DTNB: variants seen among roughly 807,000 people sequenced by gnomAD.
The protein encoded by DTNB is DTN-B.
Under a neutral mutation model 90.7 loss-of-function variants are expected in DTNB, and 63 were observed. That is an observed-to-expected ratio of 0.69 (90% CI 0.57 to 0.86). The LOEUF is 0.86. DTNB is among the 40% of genes least tolerant of loss of function. The pLI is 0.00. For missense variants in DTNB, 744 were observed against 807.1 expected (o/e 0.92, Z 0.95); for synonymous variants, 277 against 286.7 (o/e 0.97, Z 0.34).
intron 16 of DTNB, among the ~76,000 whole-genome samples, chr2:25,396,528 G>C (rs1008215273): frequency 4.0e-5 from 6 of 149,944 alleles, no homozygotes; most frequent in Non-Finnish European, 8.9e-5. Context: ...AAAAAAAAAA[G>C]AATGATACAC....
At chr2:25,479,221 T>C (rs149367511) in intron 10 of DTNB, among the ~76,000 whole-genome samples, 69 of 152,314 alleles carry the variant, frequency 4.5e-4, no homozygotes, top group African/African-American at 1.6e-3. Context: ...CAGCTAAAGC[T>C]TTAGAAGACA....
chr2:25,471,668 C>G (rs775774145), intron 10 of DTNB, among the ~76,000 whole-genome samples: 27 of 152,164 alleles, frequency 1.8e-4, no homozygotes, highest in Non-Finnish European at 4.0e-4. Context: ...TCCCAAAGTG[C>G]TGGGATTACA....
At chr2:25,620,324 G>C (rs2072173309) in intron 4 of DTNB, among the ~76,000 whole-genome samples, 1 of 152,156 alleles carries the variant, frequency 6.6e-6, no homozygotes, top group African/African-American at 2.4e-5. Context: ...GAAGGTTTCT[G>C]AAGTGGGAAG....
chr2:25,421,390 C>T (rs1380204601), intron 15 of DTNB, among the ~76,000 whole-genome samples: 1 of 152,154 alleles, frequency 6.6e-6, no homozygotes, highest in Admixed American at 6.5e-5. Flanking sequence ...GCCAAACTCA[C>T]AGGAGCCTAG....
intron 4 of DTNB, among the ~76,000 whole-genome samples, chr2:25,616,299 A>G (rs192233583): frequency 6.6e-6 from 1 of 152,040 alleles, no homozygotes; most frequent in East Asian, 1.9e-4. Flanking sequence ...CATGGGTACT[A>G]TGATATCTTT....
intron 16 of DTNB, chr2:25,419,249 A>G: frequency 3.6e-6 from 2 of 558,372 alleles, no homozygotes; most frequent in Non-Finnish European, 6.4e-6. Flanking sequence ...ATGCAATGGT[A>G]GCCTGGCTAA....
chr2:25,449,044 T>C (rs914931756), intron 12 of DTNB, among the ~76,000 whole-genome samples: 7 of 152,174 alleles, frequency 4.6e-5, no homozygotes, highest in Non-Finnish European at 1.5e-5. Flanking sequence ...GATTAACTTA[T>C]GGCAAAGGAT....
At chr2:25,388,430 T>A in intron 16 of DTNB, 69 bp from the exon 17 acceptor site, 1 of 1,510,850 alleles carries the variant, frequency 6.6e-7, no homozygotes, top group Non-Finnish European at 8.9e-7. Flanking sequence ...AAGAAAGTAC[T>A]TTTTCTCCAT....
intron 9 of DTNB, among the ~76,000 whole-genome samples, chr2:25,494,785 GC>G (rs1028186804): frequency 1.3e-5 from 2 of 152,056 alleles, no homozygotes; most frequent in Non-Finnish European, 2.9e-5. Flanking sequence ...CCTCTGGCCT[GC>G]CCTGAGTCAC....
At chr2:25,613,495 G>A (rs1284199716) in intron 4 of DTNB, among the ~76,000 whole-genome samples, 5 of 152,132 alleles carry the variant, frequency 3.3e-5, no homozygotes, top group Admixed American at 6.5e-5. Flanking sequence ...AGAACATGTC[G>A]GTATTTGGTT....
intron 8 of DTNB, among the ~76,000 whole-genome samples, chr2:25,545,408 G>A (rs1258837863): frequency 1.3e-5 from 2 of 152,152 alleles, no homozygotes; most frequent in Non-Finnish European, 2.9e-5. Flanking sequence ...CCCTTAGCAG[G>A]GGTTGTTTTC....
intron 10 of DTNB, among the ~76,000 whole-genome samples, chr2:25,478,434 A>G (rs1029192514): frequency 6.6e-6 from 1 of 152,154 alleles, no homozygotes; most frequent in African/African-American, 2.4e-5. Context: ...GTGTGTGTGC[A>G]TGTGTGCACA....
At chr2:25,638,908 C>G (rs1222309138) in intron 3 of DTNB, 106 bp downstream of exon 3, 15 of 1,162,856 alleles carry the variant, frequency 1.3e-5, no homozygotes, top group Non-Finnish European at 1.7e-5. Flanking sequence ...ATACTTAAGA[C>G]AAAAATAATT....
chr2:25,494,222 AG>A (rs1313043962), intron 9 of DTNB, among the ~76,000 whole-genome samples: 1 of 152,214 alleles, frequency 6.6e-6, no homozygotes, highest in Non-Finnish European at 1.5e-5. Flanking sequence ...ATAAAAGTCA[AG>A]GAAGATAATG....
chr2:25,424,300 G>C lies in DTNB; in HGVS notation c.1554+3235C>G, dbSNP rs1268666382. On this transcript the variant is annotated intron_variant, in intron 15 of 20. Coordinates refer to ENST00000406818, the MANE Select transcript of DTNB (RefSeq NM_021907.5). This position sits in a 1 kb window ranked among gnomAD's most constrained non-coding sequence, Gnocchi z 4.1. The stretch of plus-strand genomic sequence containing the variant: ...GATCCTACAGGGGCAGCAGTGTCCT[G>C]CTTATTTTTCTGAAATTACTGCTGC... 6.6e-6 allele frequency among the ~76,000 whole-genome samples: 1 copy of C among 152,170 alleles called. No homozygotes were observed. The highest frequency in any genetic ancestry group is 1.9e-4 in the East Asian group (1 of 5,200).
chr2:25,628,107 A>G, intron 4 of DTNB, 64 bp downstream of exon 4: 1 of 1,539,472 alleles, frequency 6.5e-7, no homozygotes, highest in Non-Finnish European at 8.9e-7. Flanking sequence ...AGTATGGAAG[A>G]AGAATGATTC....
intron 18 of DTNB, among the ~76,000 whole-genome samples, chr2:25,386,666 C>T (rs886725577): frequency 6.6e-6 from 1 of 152,056 alleles, no homozygotes; most frequent in Non-Finnish European, 1.5e-5. Context: ...GGTGAAATGC[C>T]ACGAGGTAAA....
intron 8 of DTNB, among the ~76,000 whole-genome samples, chr2:25,566,112 T>C (rs1027352349): frequency 6.6e-6 from 1 of 152,188 alleles, no homozygotes. Flanking sequence ...TCTGGCTGGT[T>C]GCAGGAAAGA....
chr2:25,646,229 A>T (rs917156800), intron 2 of DTNB, among the ~76,000 whole-genome samples: 1 of 152,040 alleles, frequency 6.6e-6, no homozygotes, highest in African/African-American at 2.4e-5. Flanking sequence ...TAATCCCAAC[A>T]CTTTGGGAGG....
Sources: gnomAD v4.1 joint callset for allele counts (sites outside exome capture counted in the v4.1 genomes callset) on GRCh38, gnomAD v4.1.1 for gene constraint, Gnocchi (gnomAD v3.1) non-coding constraint, MANE v1.5 for transcripts, NCBI Gene and HGNC (gene_info 2026-07-23, HGNC 2026-07-21) for gene names.